Variants in ALDH1L1 observed in about 807,000 individuals in gnomAD.
ALDH1L1 encodes cytosolic 10-formyltetrahydrofolate dehydrogenase.
Under a neutral mutation model 101.1 loss-of-function variants are expected in ALDH1L1, and 68 were observed. The ratio of observed to expected loss-of-function variants is 0.67; its 90% CI spans 0.55 to 0.82. ALDH1L1 has a LOEUF of 0.82. ALDH1L1 is among the 40% of genes least tolerant of loss of function. ALDH1L1 has a pLI of 0.00. For synonymous variants in ALDH1L1, 486 were observed against 470.8 expected (o/e 1.03, Z -0.42); for missense variants, 1,087 against 1,172.7 (o/e 0.93, Z 1.07).
At chr3:126,187,380 T>A (rs1034992493) in intron 1 of ALDH1L1, among the ~76,000 whole-genome samples, 2 of 152,076 alleles carry the variant, frequency 1.3e-5, no homozygotes, top group Admixed American at 1.3e-4. Flanking sequence ...ACGGTGGGGT[T>A]TCTTTACCCA....
At chr3:126,165,607 T>C (rs773744243) in intron 1 of ALDH1L1, among the ~76,000 whole-genome samples, 2 of 152,210 alleles carry the variant, frequency 1.3e-5, no homozygotes, top group Non-Finnish European at 2.9e-5. Context: ...CAGAGCTCAA[T>C]ATTGGTCTAT....
Position 126,157,341 on chromosome 3 carries a change from A to C in ALDH1L1, c.528+2T>G, listed in dbSNP as rs1231107507. The C allele has an allele frequency of 6.2e-7, 1 of 1,608,386 alleles. No homozygotes were observed. Among genetic ancestry groups the C allele is most frequent in the African/African-American group, 1.3e-5 (1 of 74,860 alleles). ...AGGGCGCGGCCGGCTCCAGGTCCTC[A>C]CCATCCCTTTGATGCCTTCAGGGAA... On this transcript the variant is annotated splice_donor_variant, in intron 4 of 22. Coordinates refer to ENST00000393434, the MANE Select transcript of ALDH1L1 (RefSeq NM_012190.4). LOFTEE classifies it high-confidence loss of function.
chr3:126,135,767 C>T (rs977588631), intron 11 of ALDH1L1, 105 bp from the exon 12 acceptor site: 36 of 1,353,950 alleles, frequency 2.7e-5, no homozygotes, highest in Middle Eastern at 1.9e-4. Context: ...GAGGCGGCCC[C>T]TGTCCACATG....
chr3:126,131,415 C>A lies in ALDH1L1; in HGVS notation c.1592G>T (p.Arg531Leu). 1 of 1,608,956 alleles carries A rather than the reference C, an allele frequency of 6.2e-7. No individual in the cohort carries two copies. Among genetic ancestry groups the A allele is most frequent in the South Asian group, 1.1e-5 (1 of 90,806 alleles). Residue 531 changes from arginine to leucine, a missense_variant, in exon 13 of 23, where the codon CGC becomes CTC. Physicochemically the swap from Arg to Leu is moderately radical, Grantham distance 102 (BLOSUM62 -2). This residue lies in a region of ALDH1L1 where 442 missense variants were observed against 535.7 expected (regional missense o/e 0.83). Coordinates refer to ENST00000393434, the MANE Select transcript of ALDH1L1 (RefSeq NM_012190.4). ...CTTGTCACACCAGCCAGCAAAGTAG[C>A]GGAAGGTCTGGATGGACATGCCCAC... ...THVGMSIQTF[R>L]YFAGWCDKIQ...
chr3:126,106,950 C>T (rs1310724318), intron 21 of ALDH1L1, among the ~76,000 whole-genome samples, 191 bp downstream of exon 21: 1 of 152,204 alleles, frequency 6.6e-6, no homozygotes, highest in East Asian at 1.9e-4. Context: ...GACTCAAAGC[C>T]CCAGGTCACT....
chr3:126,136,909 C>A (rs777927457), intron 10 of ALDH1L1, 26 bp from the exon 11 acceptor site: 3 of 1,612,908 alleles, frequency 1.9e-6, no homozygotes, highest in Non-Finnish European at 2.5e-6. Context: ...CAGTGACAAG[C>A]ACAAACCCAT....
upstream of ALDH1L1, chr3:126,180,836 T>C: frequency 6.5e-7 from 1 of 1,545,504 alleles, no homozygotes; most frequent in Non-Finnish European, 8.7e-7. Flanking sequence ...CTTTGAAAAG[T>C]CCCAAGCACC....
chr3:126,142,166 T>C (rs1198500617), intron 9 of ALDH1L1, among the ~76,000 whole-genome samples: 1 of 93,608 alleles, frequency 1.1e-5, no homozygotes, highest in Admixed American at 9.8e-5. Context: ...AAAATTTGAA[T>C]AGATATATAA....
At chr3:126,121,265 C>T (rs779250529) in intron 16 of ALDH1L1, among the ~76,000 whole-genome samples, 2 of 152,184 alleles carry the variant, frequency 1.3e-5, no homozygotes, top group East Asian at 1.9e-4. Context: ...TCCAGAGCTG[C>T]GCGGCGCTGC....
chr3:126,135,942 G>A (rs1467417787), intron 11 of ALDH1L1, among the ~76,000 whole-genome samples: 1 of 152,190 alleles, frequency 6.6e-6, no homozygotes, highest in African/African-American at 2.4e-5. Context: ...TCACCTTGGT[G>A]CCTGCTGGGT....
chr3:126,107,333 A>G (rs1945914928), intron 20 of ALDH1L1, 87 bp from the exon 21 acceptor site: 2 of 1,095,580 alleles, frequency 1.8e-6, no homozygotes, highest in Middle Eastern at 2.2e-4. Context: ...GGGCCACACC[A>G]GCCACCTGCG....
intron 4 of ALDH1L1, 61 bp from the exon 5 acceptor site, chr3:126,155,564 A>G: frequency 6.8e-7 from 1 of 1,475,754 alleles, no homozygotes. Context: ...TCCCAGCCCC[A>G]GGGCCCACAT....
Position 126,160,765 on chromosome 3 carries a change from T to C in ALDH1L1, c.127+88A>G, listed in dbSNP as rs2081027873. On this transcript the variant is annotated intron_variant, in intron 2 of 22. Transcript: ENST00000393434. ...CTAGAGCACAGGCCCTGCAGACTTC[T>C]GCTCCCAGACTCCCACCTACTGCTT... The C allele has an allele frequency of 5.8e-6, 9 of 1,558,786 alleles. No homozygotes were observed. In the East Asian group the frequency reaches 2.0e-4, roughly 35 times the overall value.
At chr3:126,107,567 G>A (rs529695534) in intron 20 of ALDH1L1, among the ~76,000 whole-genome samples, 5 of 152,344 alleles carry the variant, frequency 3.3e-5, no homozygotes, top group Non-Finnish European at 7.4e-5. Flanking sequence ...GCAAAGACTT[G>A]AGCTTTTCTG....
intron 3 of ALDH1L1, among the ~76,000 whole-genome samples, chr3:126,157,957 T>C (rs566371294): frequency 6.6e-6 from 1 of 152,306 alleles, no homozygotes; most frequent in East Asian, 1.9e-4. Context: ...GAGTACCTTG[T>C]GGAGGCCATC....
chr3:126,122,104 A>G (rs2080091067), intron 16 of ALDH1L1, among the ~76,000 whole-genome samples: 1 of 152,238 alleles, frequency 6.6e-6, no homozygotes, highest in Non-Finnish European at 1.5e-5. Context: ...TGTTTCAAAA[A>G]GCAGAGGCAA....
chr3:126,146,129 C>T (rs943116476), intron 9 of ALDH1L1, among the ~76,000 whole-genome samples: 3 of 152,188 alleles, frequency 2.0e-5, no homozygotes, highest in Non-Finnish European at 4.4e-5. Flanking sequence ...GTCACAATGC[C>T]CACCCCTGCA....
intron 19 of ALDH1L1, 103 bp downstream of exon 19, chr3:126,112,679 A>G: frequency 1.8e-6 from 2 of 1,116,990 alleles, no homozygotes; most frequent in Non-Finnish European, 2.7e-6. Context: ...GGAGGAGCCC[A>G]GCCTCACTTG....
intron 15 of ALDH1L1, among the ~76,000 whole-genome samples, chr3:126,124,910 CA>C (rs1434902499): frequency 6.6e-6 from 1 of 152,210 alleles, no homozygotes; most frequent in Non-Finnish European, 1.5e-5. Context: ...TTTTTCATTA[CA>C]TCAATGCCCT....
Sources: allele counts gnomAD v4.1 joint callset (sites outside exome capture counted in the v4.1 genomes callset), GRCh38; gene constraint gnomAD v4.1.1; regional missense constraint gnomAD v4.1.1; transcripts MANE v1.5; gene names NCBI Gene and HGNC (gene_info 2026-07-23, HGNC 2026-07-21).